Variants in DCBLD2 observed in about 807,000 individuals in gnomAD.
DCBLD2 encodes discoidin, CUB and LCCL domain containing 2, also known as discoidin, CUB and LCCL domain-containing protein 2.
DCBLD2 carries 54 observed loss-of-function variants against 86.8 expected under a neutral mutation model. That is an observed-to-expected ratio of 0.62 (90% confidence interval 0.50 to 0.78). The LOEUF is 0.78. Among genes scored for constraint, DCBLD2 ranks in the 30% least tolerant of loss-of-function variants. The probability of loss-of-function intolerance (pLI) is 0.00; values close to 1 mark genes in which losing one functional copy is unlikely to be tolerated. For missense variants in DCBLD2, 908 were observed against 954.2 expected, an observed-to-expected ratio of 0.95 and a Z score of 0.64; for synonymous variants, 354 against 341.3, an observed-to-expected ratio of 1.04 and a Z score of -0.41.
intron 1 of DCBLD2, among the ~76,000 whole-genome samples, chr3:98,891,244 AAAGC>A (rs969847869): frequency 8.2e-4 from 124 of 151,620 alleles, no homozygotes; most frequent in African/African-American, 2.2e-3. Context: ...AAGAAAGAAA[AAAGC>A]AAGCAAGCAA....
At chr3:98,874,921 G>GT (rs988318119) in intron 2 of DCBLD2, among the ~76,000 whole-genome samples, 1 of 152,100 alleles carries the variant, frequency 6.6e-6, no homozygotes, top group Non-Finnish European at 1.5e-5. Context: ...GTAAACTGCT[G>GT]TTTTTTTAAG....
rs576762797 is a variant in DCBLD2, at chr3:98,801,973, G to A, written c.1671-324C>T. The stretch of plus-strand genomic sequence containing the variant: ...TCTATCATTCATGGACATTTGGGTT[G>A]GTTCCAAGTCTTTGCTATTTTGAAT... On this transcript the variant is annotated intron_variant, in intron 13 of 15. Transcript: ENST00000326840. The A allele has an allele frequency of 2.1e-3, 436 of 206,210 alleles. 1 individual carries two copies. The highest frequency in any genetic ancestry group is 7.5e-3 in the Middle Eastern group (4 of 530). The allele number at this position is 206,210 out of a possible 1,614,324, so 12.8% of individuals were successfully genotyped here.
rs560077623 is a variant in DCBLD2, at chr3:98,887,716, T to C, written c.206-5949A>G. 1.1e-4 allele frequency among the ~76,000 whole-genome samples: 16 copies of C among 152,130 alleles called. No individual in the cohort carries two copies. In the East Asian group the frequency reaches 2.3e-3, roughly 22 times the overall value. On this transcript the variant is annotated intron_variant, in intron 1 of 15. Transcript: ENST00000326840. ...GTTTTAGGTTCATAATAAAACTGAA[T>C]AGAAAGAACAGATATTTGTCATATA...
At chr3:98,870,855 A>C (rs1943269846) in intron 2 of DCBLD2, among the ~76,000 whole-genome samples, 2 of 151,228 alleles carry the variant, frequency 1.3e-5, no homozygotes, top group South Asian at 4.2e-4. Flanking sequence ...ACTCTACTGA[A>C]TCTGTAGATT....
At chr3:98,868,219 C>T (rs1943194315) in intron 2 of DCBLD2, among the ~76,000 whole-genome samples, 1 of 152,102 alleles carries the variant, frequency 6.6e-6, no homozygotes, top group Admixed American at 6.5e-5. Context: ...CAACATAAGC[C>T]CTTCTTAAGG....
chr3:98,898,016 A>T (rs112719226), intron 1 of DCBLD2, among the ~76,000 whole-genome samples: 10 of 152,086 alleles, frequency 6.6e-5, no homozygotes, highest in African/African-American at 2.2e-4. Flanking sequence ...TTTTTTTGAG[A>T]GGTACATTTT....
intron 2 of DCBLD2, among the ~76,000 whole-genome samples, chr3:98,867,098 T>G (rs1252423104): frequency 6.6e-6 from 1 of 152,234 alleles, no homozygotes; most frequent in Non-Finnish European, 1.5e-5. Context: ...CATGCTGTTT[T>G]GGTTACTGTA....
chr3:98,860,301 C>T (rs1331512632), intron 2 of DCBLD2, among the ~76,000 whole-genome samples: 1 of 152,170 alleles, frequency 6.6e-6, no homozygotes, highest in Admixed American at 6.5e-5. Context: ...AAACACTCTG[C>T]AGGATATTAT....
At chr3:98,819,498 T>C in intron 7 of DCBLD2, 81 bp from the exon 8 acceptor site, 6 of 1,421,056 alleles carry the variant, frequency 4.2e-6, no homozygotes, top group African/African-American at 1.4e-5. Flanking sequence ...AAACTTTCTA[T>C]TCCATCTTTA....
chr3:98,885,004 TTTCCAACA>T (rs1943536812), intron 1 of DCBLD2, among the ~76,000 whole-genome samples: 1 of 152,144 alleles, frequency 6.6e-6, no homozygotes, highest in African/African-American at 2.4e-5. Context: ...TTTACTGCCC[TTTCCAACA>T]TGAAGGATAA....
chr3:98,871,906 G>A (rs1035253995), intron 2 of DCBLD2, among the ~76,000 whole-genome samples: 2 of 152,024 alleles, frequency 1.3e-5, no homozygotes, highest in African/African-American at 2.4e-5. Context: ...TCTGGTCCTG[G>A]GCATTCGTTG....
At chr3:98,836,645 G>GCT (rs1942459407) in intron 3 of DCBLD2, among the ~76,000 whole-genome samples, 1 of 135,890 alleles carries the variant, frequency 7.4e-6, no homozygotes, top group Non-Finnish European at 1.6e-5. Flanking sequence ...CGGGCAGAGG[G>GCT]GCTCCTCACT....
At chr3:98,858,215 C>T (rs936474934) in intron 2 of DCBLD2, among the ~76,000 whole-genome samples, 1 of 152,226 alleles carries the variant, frequency 6.6e-6, no homozygotes, top group Non-Finnish European at 1.5e-5. Context: ...CTGGCCACTC[C>T]GAGTGTGGGG....
chr3:98,900,607 A>C (rs1255422929), intron 1 of DCBLD2: 1 of 158,602 alleles, frequency 6.3e-6, no homozygotes, highest in African/African-American at 2.4e-5. Flanking sequence ...ACCAGCCTCA[A>C]TGATGGATTG....
intron 13 of DCBLD2, chr3:98,807,861 A>G: frequency 3.2e-6 from 1 of 316,912 alleles, no homozygotes; most frequent in Non-Finnish European, 5.8e-6. Context: ...TACATATCCC[A>G]GTGTATAATG....
At chr3:98,834,079 C>T (rs542774650) in intron 3 of DCBLD2, among the ~76,000 whole-genome samples, 4 of 151,158 alleles carry the variant, frequency 2.6e-5, no homozygotes, top group African/African-American at 7.3e-5. Context: ...GGCCCTGTGT[C>T]GTTCCTGAGT....
Position 98,881,765 on chromosome 3 carries a change from C to T in DCBLD2, c.208G>A (p.Asp70Asn). The T allele has an allele frequency of 1.3e-6, 2 of 1,590,028 alleles. No homozygotes were observed. The highest frequency in any genetic ancestry group is 1.7e-6 in the Non-Finnish European group (2 of 1,164,294). The change falls in exon 2 of 16, where the codon GAT becomes AAT. Residue 70 changes from aspartate to asparagine, a missense_variant and splice_region_variant. By Grantham distance (23) the Asp-to-Asn change is conservative (BLOSUM62 1). This residue lies in a region of DCBLD2 where 294 missense variants were observed against 256.0 expected (regional missense o/e 1.15). Coordinates refer to ENST00000326840, the MANE Select transcript of DCBLD2 (RefSeq NM_080927.4). Reference sequence around the variant, plus strand: ...CCTAGTACAGTGTGTCCACATCCATCACCTTTAAAAAAAGTGAAAAGAATG... The same window carrying T: ...CCTAGTACAGTGTGTCCACATCCATTACCTTTAAAAAAAGTGAAAAGAATG... ...LLEDAGAQQG[D>N]GCGHTVLGPE...
At chr3:98,882,120 G>C (rs1247771210) in intron 1 of DCBLD2, among the ~76,000 whole-genome samples, 4 of 152,102 alleles carry the variant, frequency 2.6e-5, no homozygotes, top group African/African-American at 9.7e-5. Context: ...CAAATCACAA[G>C]ACCTGACATT....
Position 98,896,897 on chromosome 3 carries a change from T to C in DCBLD2, c.205+4225A>G, listed in dbSNP as rs577114771. 1.8e-4 allele frequency among the ~76,000 whole-genome samples: 28 copies of C among 152,246 alleles called. No individual in the cohort carries two copies. In the South Asian group the frequency reaches 5.8e-3, roughly 32 times the overall value. ...ATCATTCCATATCCTTCCAAATATATCAAGAAGTGGAAGCAGAAACTGTCT... is the reference window on the plus strand; with the variant it reads ...ATCATTCCATATCCTTCCAAATATACCAAGAAGTGGAAGCAGAAACTGTCT... On this transcript the variant is annotated intron_variant, in intron 1 of 15. Coordinates refer to ENST00000326840, the MANE Select transcript of DCBLD2 (RefSeq NM_080927.4).
Sources: gnomAD v4.1 joint callset for allele counts (sites outside exome capture counted in the v4.1 genomes callset) on GRCh38, gnomAD v4.1.1 for gene constraint, gnomAD v4.1.1 regional missense constraint, MANE v1.5 for transcripts, NCBI Gene and HGNC (gene_info 2026-07-23, HGNC 2026-07-21) for gene names.